SMAD2: variants seen among roughly 807,000 people sequenced by gnomAD.
SMAD2 encodes MAD homolog 2.
SMAD2 carries 8 observed loss-of-function variants against 64.4 expected under a neutral mutation model. The ratio of observed to expected loss-of-function variants is 0.12; its 90% confidence interval spans 0.07 to 0.22. SMAD2 has a LOEUF of 0.22. SMAD2 is among the 10% of genes least tolerant of loss of function. SMAD2 has a pLI of 1.00. For missense variants in SMAD2, 289 were observed against 561.2 expected, an observed-to-expected ratio of 0.51 and a Z score of 4.90; for synonymous variants, 203 against 195.8, an observed-to-expected ratio of 1.04 and a Z score of -0.31.
chr18:47,917,768 G>C (rs1444985972), intron 1 of SMAD2, among the ~76,000 whole-genome samples: 1 of 151,998 alleles, frequency 6.6e-6, no homozygotes, highest in Non-Finnish European at 1.5e-5. Flanking sequence ...ATGTTGTCTA[G>C]GCTTGAACTC....
chr18:47,865,423 G>T (rs1006122320), intron 5 of SMAD2, among the ~76,000 whole-genome samples: 2 of 152,024 alleles, frequency 1.3e-5, no homozygotes, highest in African/African-American at 2.4e-5. Flanking sequence ...AGCCAAAAAC[G>T]TAACTTTAAA....
intron 1 of SMAD2, among the ~76,000 whole-genome samples, chr18:47,907,692 C>A (rs1292174840): frequency 6.6e-6 from 1 of 152,196 alleles, no homozygotes; most frequent in African/African-American, 2.4e-5. Context: ...TGGCTCACAC[C>A]TATAATCCCA....
At position 47,865,152 on chromosome 18, in the gene SMAD2, A is replaced by T. The variant is rs1335032441; in HGVS notation, c.656-19T>A. 3 of 1,427,362 alleles carry T rather than the reference A, an allele frequency of 2.1e-6. No individual in the cohort carries two copies. Among genetic ancestry groups the T allele is most frequent in the South Asian group, 2.3e-5 (2 of 87,128 alleles). 88.4% of individuals were successfully genotyped at this position (1,427,362 alleles called of 1,614,324 possible). A position where few individuals can be genotyped will look rare whatever the true frequency, so the allele number is the denominator to read the frequency against. On this transcript the variant is annotated intron_variant, in intron 5 of 10. Transcript: ENST00000262160. ...GGCGTTTCTACAAAAGTTTAAAACAAATCAAGCACAGCTGCAACATAATCT... is the reference window on the plus strand; with the variant it reads ...GGCGTTTCTACAAAAGTTTAAAACATATCAAGCACAGCTGCAACATAATCT...
At chr18:47,927,926 T>C (rs2034832408) in intron 1 of SMAD2, among the ~76,000 whole-genome samples, 1 of 152,182 alleles carries the variant, frequency 6.6e-6, no homozygotes, top group Non-Finnish European at 1.5e-5. Context: ...AATATATAAA[T>C]GCATAATCTC....
Position 47,839,072 on chromosome 18 carries a change from T to C in SMAD2, c.*2755A>G. The stretch of plus-strand genomic sequence containing the variant: ...TAGATAAAATACAAAAAACATCATC[T>C]CGTTAAAAAGCATCAAACACATTCA... On this transcript the variant is annotated 3_prime_UTR_variant, in exon 11 of 11. Transcript: ENST00000262160. The C allele has an allele frequency of 4.3e-6, 1 of 233,026 alleles. No individual in the cohort carries two copies. The highest frequency in any genetic ancestry group is 6.0e-5 in the East Asian group (1 of 16,668). 14.4% of individuals were successfully genotyped at this position (233,026 alleles called of 1,614,324 possible).
intron 6 of SMAD2, among the ~76,000 whole-genome samples, chr18:47,859,765 C>T (rs1006360209): frequency 3.9e-5 from 6 of 151,938 alleles, no homozygotes; most frequent in African/African-American, 1.2e-4. Flanking sequence ...AAGATGAATA[C>T]AAACAAAACA....
chr18:47,908,384 G>A (rs2033989319), intron 1 of SMAD2, among the ~76,000 whole-genome samples: 1 of 151,990 alleles, frequency 6.6e-6, no homozygotes, highest in Admixed American at 6.6e-5. Flanking sequence ...TTTATACACA[G>A]ATTTTATTCA....
rs71162900 is a variant in SMAD2 at position 47,882,041 on chromosome 18, CTTTTTTTTTT to C, written c.237-11487_237-11478del. ...CACAGGAATGTACTACCACGCTTGG[CTTTTTTTTTT>C]TTTTTTTTTTTTTTTTGTGGAGACA... is the stretch of plus-strand genomic sequence containing the variant. On this transcript the variant is annotated intron_variant, in intron 2 of 10. Coordinates refer to ENST00000262160, the MANE Select transcript of SMAD2 (RefSeq NM_005901.6). Among the ~76,000 whole-genome samples, 185 of 38,876 alleles carry C rather than the reference CTTTTTTTTTT, an allele frequency of 4.8e-3. 6 individuals carry two copies. The highest frequency in any genetic ancestry group is 0.044 in the South Asian group (34 of 780). The allele number at this position is 38,876 out of a possible 152,430, so 25.5% of individuals were successfully genotyped here.
At position 47,855,933 on chromosome 18, in the gene SMAD2, T is replaced by A. The variant is rs2030636427; in HGVS notation, c.731-4606A>T. ...GTTGCTTTTACTCTTGCTGCTTTTATTCACAATAGCAAAGATACAGAAGAC... is the reference window on the plus strand; with the variant it reads ...GTTGCTTTTACTCTTGCTGCTTTTAATCACAATAGCAAAGATACAGAAGAC... On this transcript the variant is annotated intron_variant, in intron 6 of 10. Transcript: ENST00000262160. 2.0e-5 allele frequency among the ~76,000 whole-genome samples: 3 copies of A among 152,300 alleles called. No individual in the cohort carries two copies. The South Asian group carries it at 6.2e-4, about 32-fold the overall frequency.
chr18:47,894,195 G>A (rs1374899501), intron 2 of SMAD2, among the ~76,000 whole-genome samples: 2 of 152,152 alleles, frequency 1.3e-5, no homozygotes, highest in Non-Finnish European at 2.9e-5. Flanking sequence ...ATGGCAACTT[G>A]AGCCTTGTTG....
chr18:47,912,858 C>CAAAAAAAA (rs566813544), intron 1 of SMAD2, among the ~76,000 whole-genome samples: 1 of 59,228 alleles, frequency 1.7e-5, no homozygotes, highest in Non-Finnish European at 3.7e-5. Flanking sequence ...GTATAAACAG[C>CAAAAAAAA]AAAAAAAAAA....
rs1246697757 is a variant in SMAD2, at chr18:47,816,863, A to G, written c.*24964T>C. ...CTGCAACCTCCACTTCTCAGGTTCA[A>G]GCCAATCTTCTGCCTCAGCCTCCCA... is the stretch of plus-strand genomic sequence containing the variant. On this transcript the variant is annotated 3_prime_UTR_variant, in exon 11 of 11. Coordinates refer to ENST00000262160, the MANE Select transcript of SMAD2 (RefSeq NM_005901.6). 1.3e-5 allele frequency: 2 copies of G among 151,618 alleles called. No homozygotes were observed. The highest frequency in any genetic ancestry group is 4.9e-5 in the African/African-American group (2 of 41,218). 9.4% of individuals were successfully genotyped at this position (151,618 alleles called of 1,614,324 possible). A position where few individuals can be genotyped will look rare whatever the true frequency, so the allele number is the denominator to read the frequency against.
intron 1 of SMAD2, among the ~76,000 whole-genome samples, chr18:47,922,113 T>C (rs1343618839): frequency 6.6e-6 from 1 of 152,240 alleles, no homozygotes; most frequent in Non-Finnish European, 1.5e-5. Flanking sequence ...AAAGCAAAAG[T>C]AGATTGCACT....
In SMAD2 at chr18:47,838,573, T is replaced by C. The variant is rs929815564; in HGVS notation, c.*3254A>G. 1 of 232,948 alleles carries C rather than the reference T, an allele frequency of 4.3e-6. No homozygotes were observed. The highest frequency in any genetic ancestry group is 8.5e-6 in the Non-Finnish European group (1 of 117,860). 14.4% of individuals were successfully genotyped at this position (232,948 alleles called of 1,614,324 possible). A position where few individuals can be genotyped will look rare whatever the true frequency, so the allele number is the denominator to read the frequency against. On this transcript the variant is annotated 3_prime_UTR_variant, in exon 11 of 11. Transcript: ENST00000262160. Reference sequence around the variant, plus strand: ...TCAAATCTAATCATGAAAGCTTCTTTAAAGTAGGATAAAAAGAGCACAATC... The same window carrying C: ...TCAAATCTAATCATGAAAGCTTCTTCAAAGTAGGATAAAAAGAGCACAATC...
At chr18:47,891,117 C>G (rs1043970305) in intron 2 of SMAD2, among the ~76,000 whole-genome samples, 1 of 152,024 alleles carries the variant, frequency 6.6e-6, no homozygotes, top group East Asian at 1.9e-4. Flanking sequence ...CCAGCCTGAC[C>G]AACATGGAGA....
At chr18:47,905,294 G>GA (rs1286720005) in intron 1 of SMAD2, among the ~76,000 whole-genome samples, 2 of 152,038 alleles carry the variant, frequency 1.3e-5, no homozygotes, top group African/African-American at 4.8e-5. Flanking sequence ...ATATTGCTAA[G>GA]AAAAATGAAA....
Position 47,865,092 on chromosome 18 carries a change from T to C in SMAD2, c.697A>G (p.Ser233Gly). 6.2e-7 allele frequency: 1 copy of C among 1,611,448 alleles called. No homozygotes were observed. Among genetic ancestry groups the C allele is most frequent in the South Asian group, 1.1e-5 (1 of 91,012 alleles). The part of the protein sequence containing the change: ...PGYISEDGET[S>G]DQQLNQSMDT... ...ATACTTTGATTCAACTGTTGGTCAC[T>C]TGTTTCTCCATCTTCACTGATATAT... The change falls in exon 6 of 11, where the codon AGT becomes GGT. Residue 233 changes from serine (S) to glycine (G), a missense_variant. Physicochemically the swap from Ser to Gly is moderately conservative, Grantham distance 56 (BLOSUM62 0). Around this residue, in one of 6 missense-constraint regions of SMAD2, gnomAD observed 119 missense variants for 156.7 expected, o/e 0.76. Transcript: ENST00000262160.
At position 47,871,473 on chromosome 18, in the gene SMAD2, G is replaced by A. The variant is rs189994595; in HGVS notation, c.237-909C>T. 4.6e-5 allele frequency among the ~76,000 whole-genome samples: 7 copies of A among 152,322 alleles called. No individual in the cohort carries two copies. In the East Asian group the frequency reaches 1.4e-3, roughly 29 times the overall value. On this transcript the variant is annotated intron_variant, in intron 2 of 10. Transcript: ENST00000262160. ...TCAACAGTTCAAAGGGCAATGGTGA[G>A]AAGCGCTGGCTTCCTGTGGCCAGGC...
At chr18:47,920,077 C>G (rs572213769) in intron 1 of SMAD2, 28 of 152,230 alleles carry the variant, frequency 1.8e-4, no homozygotes, top group African/African-American at 5.5e-4. Context: ...CTCACAGTTC[C>G]GGAGGCTGCA....
Sources: allele counts gnomAD v4.1 joint callset (sites outside exome capture counted in the v4.1 genomes callset), GRCh38; gene constraint gnomAD v4.1.1; regional missense constraint gnomAD v4.1.1; transcripts MANE v1.5; gene names NCBI Gene and HGNC (gene_info 2026-07-23, HGNC 2026-07-21).